ADAMTS17: variants seen among roughly 807,000 people sequenced by gnomAD.
ADAMTS17 encodes the protein ADAM metallopeptidase with thrombospondin type 1 motif 17.
Under a neutral mutation model 141.5 loss-of-function variants are expected in ADAMTS17, and 113 were observed. That is an observed-to-expected ratio of 0.80 (90% confidence interval 0.69 to 0.93). The LOEUF is 0.93. Ranked by LOEUF, ADAMTS17 falls within the 40% of genes least tolerant of loss-of-function variation. The pLI is 0.00. For synonymous variants in ADAMTS17, 768 were observed against 630.6 expected, an observed-to-expected ratio of 1.22 and a Z score of -3.27; for missense variants, 1,659 against 1,517.9, an observed-to-expected ratio of 1.09 and a Z score of -1.54.
At chr15:100,060,282 T>C (rs1329317614) in intron 15 of ADAMTS17, among the ~76,000 whole-genome samples, 1 of 152,194 alleles carries the variant, frequency 6.6e-6, no homozygotes, top group Non-Finnish European at 1.5e-5. Context: ...TAGACTTCTG[T>C]GGGGCACCAC....
chr15:100,323,398 T>C (rs1026249263), intron 3 of ADAMTS17, among the ~76,000 whole-genome samples: 70 of 152,296 alleles, frequency 4.6e-4, no homozygotes, highest in East Asian at 3.9e-4. Flanking sequence ...CTGTACTGCC[T>C]CTTTAGGGAA....
chr15:100,109,473 C>G (rs549161145), intron 13 of ADAMTS17, among the ~76,000 whole-genome samples: 16 of 130,940 alleles, frequency 1.2e-4, no homozygotes, highest in African/African-American at 4.2e-4. Flanking sequence ...ACTCTTATAG[C>G]GAGGGTGTGA....
chr15:100,147,889 T>C (rs116115198), intron 10 of ADAMTS17, among the ~76,000 whole-genome samples: 2,174 of 152,380 alleles, frequency 0.014, 47 homozygotes, highest in African/African-American at 0.048. Context: ...TCAGTCTCAC[T>C]GAGCTAAAGC....
chr15:100,270,561 G>C (rs949912757), intron 4 of ADAMTS17, among the ~76,000 whole-genome samples: 1 of 151,784 alleles, frequency 6.6e-6, no homozygotes, highest in African/African-American at 2.4e-5. Context: ...CTTCGCAAAG[G>C]ATGCTGGTAT....
At chr15:100,328,279 G>A (rs762173666) in intron 3 of ADAMTS17, among the ~76,000 whole-genome samples, 6 of 152,310 alleles carry the variant, frequency 3.9e-5, no homozygotes, top group Non-Finnish European at 5.9e-5. Flanking sequence ...ATGTTTGAAA[G>A]CTAATCCAAA....
intron 2 of ADAMTS17, among the ~76,000 whole-genome samples, chr15:100,337,116 C>T (rs977793246): frequency 2.6e-5 from 4 of 152,354 alleles, no homozygotes; most frequent in Admixed American, 2.0e-4. Context: ...CCTGCTGGTC[C>T]ACCCACCTCG....
chr15:100,299,538 C>T (rs1248310981), intron 3 of ADAMTS17, among the ~76,000 whole-genome samples: 1 of 151,864 alleles, frequency 6.6e-6, no homozygotes, highest in Non-Finnish European at 1.5e-5. Flanking sequence ...AGAACATTCC[C>T]CAAACACACA....
chr15:100,112,876 C>T (rs1333494884), intron 13 of ADAMTS17, among the ~76,000 whole-genome samples: 1 of 151,942 alleles, frequency 6.6e-6, no homozygotes, highest in Non-Finnish European at 1.5e-5. Flanking sequence ...GTCACATGTG[C>T]CCGCTGGAGG....
intron 3 of ADAMTS17, among the ~76,000 whole-genome samples, chr15:100,312,122 G>A (rs534987951): frequency 4.1e-4 from 63 of 152,308 alleles, no homozygotes; most frequent in African/African-American, 1.3e-3. Flanking sequence ...CAGAACCTAC[G>A]AAAATGTGAA....
chr15:100,205,071 G>C (rs184762592), intron 7 of ADAMTS17, among the ~76,000 whole-genome samples: 2 of 152,204 alleles, frequency 1.3e-5, no homozygotes, highest in East Asian at 3.9e-4. Context: ...ACATATTCTT[G>C]GCCTTGCTCC....
intron 7 of ADAMTS17, among the ~76,000 whole-genome samples, chr15:100,253,698 C>G (rs1287258256): frequency 6.6e-6 from 1 of 152,278 alleles, no homozygotes; most frequent in African/African-American, 2.4e-5. Flanking sequence ...GTCTTATAAT[C>G]TACAGTCACA....
chr15:100,162,970 A>G (rs971702710), intron 8 of ADAMTS17, among the ~76,000 whole-genome samples: 2 of 113,016 alleles, frequency 1.8e-5, no homozygotes, highest in Non-Finnish European at 4.1e-5. Context: ...CTATATATGT[A>G]TATATATGTG....
chr15:100,253,939 G>A lies in ADAMTS17; in HGVS notation c.1075+197C>T, dbSNP rs567616357. 3.9e-4 allele frequency among the ~76,000 whole-genome samples: 59 copies of A among 152,102 alleles called. 1 individual carries two copies. The East Asian group carries it at 6.4e-3, about 16-fold the overall frequency. ...AGCTTCCTTAATGACCCTTCATCTAGATGCCTTCTGCCATCAATAACTTCA... is the reference window on the plus strand; with the variant it reads ...AGCTTCCTTAATGACCCTTCATCTAAATGCCTTCTGCCATCAATAACTTCA... On this transcript the variant is annotated intron_variant, in intron 7 of 21. Coordinates refer to ENST00000268070, the MANE Select transcript of ADAMTS17 (RefSeq NM_139057.4).
intron 12 of ADAMTS17, among the ~76,000 whole-genome samples, chr15:100,119,911 G>A (rs969721566): frequency 1.3e-5 from 2 of 152,148 alleles, no homozygotes; most frequent in Non-Finnish European, 2.9e-5. Context: ...TCCACATCTT[G>A]TTTGGGTATC....
chr15:100,260,761 G>A (rs1050552577), intron 6 of ADAMTS17, among the ~76,000 whole-genome samples: 3 of 152,098 alleles, frequency 2.0e-5, no homozygotes, highest in Admixed American at 1.3e-4. Flanking sequence ...AAGCAAGCAC[G>A]CAATTTGGGA....
At chr15:99,988,594 A>G (rs1393025236) in intron 20 of ADAMTS17, among the ~76,000 whole-genome samples, 1 of 152,202 alleles carries the variant, frequency 6.6e-6, no homozygotes, top group Non-Finnish European at 1.5e-5. Flanking sequence ...TTTTGTTCTT[A>G]CTGCAGGGAC....
In ADAMTS17 at chr15:100,118,193, G is replaced by A. The variant is rs188886711; in HGVS notation, c.1722-1180C>T. Among the ~76,000 whole-genome samples, 582 of 152,336 alleles carry A rather than the reference G, an allele frequency of 3.8e-3. 3 individuals are homozygous for A. Among genetic ancestry groups the A allele is most frequent in the African/African-American group, 0.013 (548 of 41,570 alleles). On this transcript the variant is annotated intron_variant, in intron 12 of 21. Transcript: ENST00000268070. The stretch of plus-strand genomic sequence containing the variant: ...CCAAATAGTCTCCAACCACTCAACT[G>A]CTACTGTGGCACAAAAGCAGCTAGA...
intron 11 of ADAMTS17, among the ~76,000 whole-genome samples, 178 bp downstream of exon 11, chr15:100,133,036 G>A (rs546924382): frequency 6.6e-6 from 1 of 152,312 alleles, no homozygotes; most frequent in African/African-American, 2.4e-5. Context: ...TAAGAAAAAG[G>A]AATGAGGTGA....
intron 15 of ADAMTS17, among the ~76,000 whole-genome samples, chr15:100,089,065 A>G (rs1277183184): frequency 9.2e-5 from 14 of 152,090 alleles, no homozygotes; most frequent in African/African-American, 1.4e-4. Context: ...CTACAGAATG[A>G]GAGAAAATTT....
Sources: allele counts gnomAD v4.1 joint callset (sites outside exome capture counted in the v4.1 genomes callset), GRCh38; gene constraint gnomAD v4.1.1; transcripts MANE v1.5; gene names NCBI Gene and HGNC (gene_info 2026-07-23, HGNC 2026-07-21).